Variants in POLK observed in about 807,000 individuals in gnomAD.
POLK encodes the protein polymerase (DNA directed) kappa.
Under a neutral mutation model 94.0 loss-of-function variants are expected in POLK, and 76 were observed. That is an observed-to-expected ratio of 0.81 (90% CI 0.67 to 0.98). The LOEUF (loss-of-function observed/expected upper bound fraction) is 0.98. Among genes scored for constraint, POLK ranks in the 50% least tolerant of loss-of-function variants. POLK has a pLI of 0.00. For synonymous variants in POLK, 349 were observed against 325.4 expected (o/e 1.07, Z -0.78); for missense variants, 954 against 1,010.1 (o/e 0.94, Z 0.75).
chr5:75,600,995 G>C (rs1034663826), exon 15 of POLK: 3 of 152,170 alleles, frequency 2.0e-5, no homozygotes, highest in African/African-American at 7.2e-5. Flanking sequence ...AGTGGCACCT[G>C]GTGCTTCTGG....
intron 9 of POLK, among the ~76,000 whole-genome samples, chr5:75,585,610 A>G (rs1772428656): frequency 6.6e-6 from 1 of 152,086 alleles, no homozygotes. Flanking sequence ...AGGTGGAGGA[A>G]ATACCCTGGG....
At chr5:75,527,131 G>T (rs531583458) in intron 1 of POLK, among the ~76,000 whole-genome samples, 14 of 152,206 alleles carry the variant, frequency 9.2e-5, no homozygotes, top group Admixed American at 2.0e-4. Flanking sequence ...ACATAAAAAA[G>T]TCTCCAAGGA....
intron 4 of POLK, 136 bp downstream of exon 4, chr5:75,569,628 A>T: frequency 1.5e-6 from 1 of 688,756 alleles, no homozygotes. Flanking sequence ...ATATGACTCA[A>T]TTACTGAATC....
intron 11 of POLK, among the ~76,000 whole-genome samples, chr5:75,592,341 TAATC>T (rs1465634540): frequency 6.6e-6 from 1 of 152,214 alleles, no homozygotes; most frequent in African/African-American, 2.4e-5. Context: ...TGTAGGTAAT[TAATC>T]AACCTCCAAA....
At chr5:75,565,695 G>A (rs1269474947) in intron 3 of POLK, among the ~76,000 whole-genome samples, 3 of 152,172 alleles carry the variant, frequency 2.0e-5, no homozygotes, top group Non-Finnish European at 4.4e-5. Context: ...GTTTGCCTGG[G>A]TATCACCAGT....
In POLK at chr5:75,576,409, A is replaced by G. The variant is rs145758899; in HGVS notation, c.541-371A>G. Among the ~76,000 whole-genome samples, 218 of 152,278 alleles carry G rather than the reference A, an allele frequency of 1.4e-3. 1 individual carries two copies. Among genetic ancestry groups the G allele is most frequent in the African/African-American group, 5.0e-3 (207 of 41,560 alleles). ...AAAAGGCAGGAGGGAATAGAATCCT[A>G]TCATTCCCACTTCAGCTTCTGACGA... is the stretch of plus-strand genomic sequence containing the variant. On this transcript the variant is annotated intron_variant, in intron 5 of 14. Transcript: ENST00000241436.
chr5:75,569,563 G>C, intron 4 of POLK, 71 bp downstream of exon 4: 1 of 1,332,262 alleles, frequency 7.5e-7, no homozygotes, highest in South Asian at 1.4e-5. Flanking sequence ...TTCATGAAGG[G>C]GGAATTCTTT....
At chr5:75,558,621 T>C (rs1770771966) in intron 3 of POLK, among the ~76,000 whole-genome samples, 1 of 152,190 alleles carries the variant, frequency 6.6e-6, no homozygotes, top group African/African-American at 2.4e-5. Flanking sequence ...GGTAGGAATA[T>C]AGTTTAATAT....
chr5:75,525,785 A>G (rs1182438214), intron 1 of POLK, among the ~76,000 whole-genome samples: 5 of 152,238 alleles, frequency 3.3e-5, no homozygotes, highest in Admixed American at 3.3e-4. Context: ...TCTATATCTG[A>G]TGAAGATATC....
intron 1 of POLK, among the ~76,000 whole-genome samples, chr5:75,531,141 C>T (rs1224401687): frequency 1.3e-5 from 2 of 151,814 alleles, no homozygotes; most frequent in Non-Finnish European, 2.9e-5. Context: ...TGAAATATAA[C>T]TAAAATGAAA....
chr5:75,511,301 C>G (rs1767977695), upstream of POLK: 1 of 1,558,220 alleles, frequency 6.4e-7, no homozygotes, highest in East Asian at 2.4e-5. Flanking sequence ...CGGGGGATGG[C>G]GAAGCGAAGA....
intron 1 of POLK, among the ~76,000 whole-genome samples, chr5:75,540,007 A>G (rs1484333460): frequency 1.3e-5 from 2 of 152,182 alleles, no homozygotes; most frequent in Non-Finnish European, 2.9e-5. Flanking sequence ...ATACACTATT[A>G]GAGCTGTAAG....
chr5:75,521,768 CT>C (rs58946110), intron 1 of POLK, among the ~76,000 whole-genome samples: 49,226 of 148,266 alleles, frequency 0.33, 9,276 homozygotes, highest in African/African-American at 0.54. Flanking sequence ...TGTTGAATTT[CT>C]TTTTTTTTTT....
chr5:75,554,466 TTA>T (rs1229882561), intron 3 of POLK, among the ~76,000 whole-genome samples: 5 of 151,272 alleles, frequency 3.3e-5, no homozygotes, highest in Non-Finnish European at 5.9e-5. Context: ...TAAAAAAAGA[TTA>T]TATATATATA....
intron 3 of POLK, among the ~76,000 whole-genome samples, chr5:75,559,565 T>G: frequency 7.3e-6 from 1 of 137,422 alleles, no homozygotes; most frequent in Non-Finnish European, 1.6e-5. Flanking sequence ...ACAGGGTCTC[T>G]CTCTGTCACC....
intron 1 of POLK, among the ~76,000 whole-genome samples, chr5:75,526,219 C>G (rs1439139139): frequency 6.6e-6 from 1 of 151,832 alleles, no homozygotes; most frequent in East Asian, 1.9e-4. Flanking sequence ...GAGTGAGACT[C>G]CGTCTCTTAA....
chr5:75,565,810 C>CT (rs1771235992), intron 3 of POLK, among the ~76,000 whole-genome samples: 1 of 152,220 alleles, frequency 6.6e-6, no homozygotes, highest in Non-Finnish European at 1.5e-5. Context: ...TATGAGGTGT[C>CT]TGTCAACCCC....
At chr5:75,585,601 G>T (rs766817403) in intron 9 of POLK, among the ~76,000 whole-genome samples, 1 of 152,116 alleles carries the variant, frequency 6.6e-6, no homozygotes, top group African/African-American at 2.4e-5. Context: ...AGAGGGAACA[G>T]GTGGAGGAAA....
At chr5:75,516,296 T>C (rs1740979473) in intron 1 of POLK, among the ~76,000 whole-genome samples, 1 of 152,192 alleles carries the variant, frequency 6.6e-6, no homozygotes, top group African/African-American at 2.4e-5. Flanking sequence ...GAAAAGTTTT[T>C]GGCCAGGCCA....
Sources: allele counts gnomAD v4.1 joint callset (sites outside exome capture counted in the v4.1 genomes callset), GRCh38; gene constraint gnomAD v4.1.1; transcripts MANE v1.5; gene names NCBI Gene and HGNC (gene_info 2026-07-23, HGNC 2026-07-21).